Variants in MAP2K3 observed in about 807,000 individuals in gnomAD.
MAP2K3 encodes the protein dual specificity mitogen-activated protein kinase kinase 3.
In MAP2K3, 30 loss-of-function variants were observed where a neutral mutation model predicts 46.4. The observed-to-expected ratio is 0.65, with a 90% CI of 0.48 to 0.88. MAP2K3 has a LOEUF of 0.88. Among genes scored for constraint, MAP2K3 ranks in the 40% least tolerant of loss-of-function variants. The probability of loss-of-function intolerance (pLI) is 0.00; values close to 1 mark genes in which losing one functional copy is unlikely to be tolerated. For synonymous variants in MAP2K3, 189 were observed against 176.3 expected, an observed-to-expected ratio of 1.07 and a Z score of -0.57; for missense variants, 380 against 464.5, an observed-to-expected ratio of 0.82 and a Z score of 1.67.
chr17:21,311,144 A>G (rs4021718), intron 9 of MAP2K3, among the ~76,000 whole-genome samples: 1 of 152,166 alleles, frequency 6.6e-6, no homozygotes, highest in Non-Finnish European at 1.5e-5. Flanking sequence ...GCACAGTCTC[A>G]GCACAGTCCT....
intron 1 of MAP2K3, among the ~76,000 whole-genome samples, chr17:21,296,511 C>G (rs1976260575): frequency 6.6e-6 from 1 of 152,312 alleles, no homozygotes; most frequent in South Asian, 2.1e-4. Context: ...GGAGGGCTCC[C>G]TGTGGCAGGG....
rs1439535005 is a variant in MAP2K3, at chr17:21,301,001, C to A, written c.399+8C>A. 1 of 1,614,084 alleles carries A rather than the reference C, an allele frequency of 6.2e-7. No individual in the cohort carries two copies. ...GGGGCACTATTCAGAGAGGTGCGTC[C>A]TTGCATGATGCAGCTGGGGATCTCC... On this transcript the variant is annotated splice_region_variant and intron_variant, in intron 5 of 11. Coordinates refer to ENST00000342679, the MANE Select transcript of MAP2K3 (RefSeq NM_145109.3).
At chr17:21,301,678 CT>C (rs1976609498) in intron 5 of MAP2K3, among the ~76,000 whole-genome samples, 1 of 152,306 alleles carries the variant, frequency 6.6e-6, no homozygotes, top group Non-Finnish European at 1.5e-5. Flanking sequence ...CGGGTGCCCC[CT>C]GCGCATCTCC....
intron 1 of MAP2K3, among the ~76,000 whole-genome samples, chr17:21,289,853 C>T (rs1434094664): frequency 1.3e-5 from 2 of 152,210 alleles, no homozygotes; most frequent in Non-Finnish European, 1.5e-5. Flanking sequence ...TTGTCACCTC[C>T]CTGCCCTGCA....
chr17:21,302,275 G>T lies in MAP2K3; in HGVS notation c.516+16G>T. ...TGCTGTGTCTGTGAGTGGCCTGGGT[G>T]GGCTGGCGGGGGGTCCTAGGTGCAT... On this transcript the variant is annotated intron_variant, in intron 6 of 11. Coordinates refer to ENST00000342679, the MANE Select transcript of MAP2K3 (RefSeq NM_145109.3). 6.2e-7 allele frequency: 1 copy of T among 1,609,798 alleles called. No homozygotes were observed. Among genetic ancestry groups the T allele is most frequent in the South Asian group, 1.1e-5 (1 of 90,956 alleles).
rs893377591 is a variant in MAP2K3, at chr17:21,288,777, T to C, written c.49+3808T>C. Among the ~76,000 whole-genome samples the C allele has an allele frequency of 3.3e-5, 5 of 152,336 alleles. No individual in the cohort carries two copies. In the South Asian group the frequency reaches 1.0e-3, roughly 32 times the overall value. On this transcript the variant is annotated intron_variant, in intron 1 of 11. Coordinates refer to ENST00000342679, the MANE Select transcript of MAP2K3 (RefSeq NM_145109.3). Reference sequence around the variant, plus strand: ...TGTCAGGCACAAGTCATAGTGAGACTGCCCTCTGCCTGCAGAGAACCCAGC... The same window carrying C: ...TGTCAGGCACAAGTCATAGTGAGACCGCCCTCTGCCTGCAGAGAACCCAGC...
intron 11 of MAP2K3, 65 bp from the exon 12 acceptor site, chr17:21,314,082 G>A: frequency 1.5e-6 from 2 of 1,290,990 alleles, no homozygotes; most frequent in Non-Finnish European, 1.1e-6. Context: ...AGCTGGTTGG[G>A]GAAGAGTGGC....
rs1975679805 is a variant in MAP2K3 at position 21,284,823 on chromosome 17, C to T, written c.-98C>T. The T allele has an allele frequency of 2.9e-6, 4 of 1,399,494 alleles. 1 individual carries two copies. Among genetic ancestry groups the T allele is most frequent in the East Asian group, 5.7e-5 (2 of 35,398 alleles). 86.7% of individuals were successfully genotyped at this position (1,399,494 alleles called of 1,614,324 possible). On this transcript the variant is annotated 5_prime_UTR_variant, in exon 1 of 12. Transcript: ENST00000342679. ...CCGCCGCCGCTGCTCCTCCGCCTGGCCTGGGCCGTCTGCCCGCAGCCATGA... is the reference window on the plus strand; with the variant it reads ...CCGCCGCCGCTGCTCCTCCGCCTGGTCTGGGCCGTCTGCCCGCAGCCATGA...
At chr17:21,305,835 A>G (rs528568739) in intron 9 of MAP2K3, among the ~76,000 whole-genome samples, 31 of 152,418 alleles carry the variant, frequency 2.0e-4, no homozygotes, top group Admixed American at 3.9e-4. Context: ...TGGAAGGACG[A>G]TGCCATCAGC....
chr17:21,307,698 G>A (rs1057430848), intron 9 of MAP2K3, among the ~76,000 whole-genome samples: 65 of 151,882 alleles, frequency 4.3e-4, no homozygotes, highest in African/African-American at 1.5e-3. Flanking sequence ...ATTTTTTTGA[G>A]ATGGAGTCTC....
chr17:21,289,952 C>T (rs976808906), intron 1 of MAP2K3, among the ~76,000 whole-genome samples: 1 of 152,068 alleles, frequency 6.6e-6, no homozygotes, highest in African/African-American at 2.4e-5. Context: ...TGGCCGGCAC[C>T]ACCTCCTGCC....
chr17:21,296,052 T>A (rs1277730399), intron 1 of MAP2K3: 1 of 1,289,120 alleles, frequency 7.8e-7, no homozygotes, highest in African/African-American at 1.5e-5. Flanking sequence ...ATAATTCTCA[T>A]TACTTAGGGC....
chr17:21,294,551 G>A (rs372884415), intron 1 of MAP2K3, among the ~76,000 whole-genome samples: 1,410 of 151,768 alleles, frequency 9.3e-3, no homozygotes, highest in African/African-American at 0.03. Context: ...TTTGGACGTT[G>A]GAGCCAGACA....
chr17:21,295,976 A>G, intron 1 of MAP2K3: 1 of 1,264,004 alleles, frequency 7.9e-7, no homozygotes, highest in Non-Finnish European at 1.0e-6. Flanking sequence ...CAGAGCTTTA[A>G]TTTTTAACAG....
Position 21,284,847 on chromosome 17 carries a change from G to A in MAP2K3, c.-74G>A. The A allele has an allele frequency of 6.6e-7, 1 of 1,525,618 alleles. No homozygotes were observed. The highest frequency in any genetic ancestry group is 8.9e-7 in the Non-Finnish European group (1 of 1,125,292). The allele number at this position is 1,525,618 out of a possible 1,614,324, so 94.5% of individuals were successfully genotyped here. The stretch of plus-strand genomic sequence containing the variant: ...GCCTGGGCCGTCTGCCCGCAGCCAT[G>A]AGCGTGCTCGGCCCCGGTGGAGCCC... On this transcript the variant is annotated 5_prime_UTR_variant, in exon 1 of 12. An upstream start codon of the reference 5' UTR is lost. Coordinates refer to ENST00000342679, the MANE Select transcript of MAP2K3 (RefSeq NM_145109.3).
chr17:21,311,283 G>A (rs569698222), intron 9 of MAP2K3, among the ~76,000 whole-genome samples: 1 of 152,280 alleles, frequency 6.6e-6, no homozygotes, highest in South Asian at 2.1e-4. Context: ...TGTTCTTCCA[G>A]GCCGGGGCCA....
chr17:21,303,221 G>A lies in MAP2K3; in HGVS notation c.555G>A (p.Ser185=), dbSNP rs752706180. 4.5e-5 allele frequency: 73 copies of A among 1,613,978 alleles called. No individual in the cohort carries two copies. Among genetic ancestry groups the A allele is most frequent in the South Asian group, 2.6e-4 (24 of 91,054 alleles). The change falls in exon 7 of 12, where the codon TCG becomes TCA. Residue 185 remains serine (S), a synonymous_variant. Transcript: ENST00000342679. ...RALEHLHSKL[S]VIHRDVKPSN... is the part of the protein sequence containing the mutation. ...TGGAGCATCTGCACAGCAAGCTGTC[G>A]GTGATCCACAGAGGTCAGTGCCCGG...
At chr17:21,296,960 T>A (rs1201902953) in intron 1 of MAP2K3, among the ~76,000 whole-genome samples, 3 of 152,312 alleles carry the variant, frequency 2.0e-5, no homozygotes, top group Non-Finnish European at 4.4e-5. Flanking sequence ...TCCTGAAGCC[T>A]CTGGGGCCTG....
intron 9 of MAP2K3, among the ~76,000 whole-genome samples, chr17:21,308,141 C>T (rs1386876060): frequency 6.8e-6 from 1 of 147,856 alleles, no homozygotes; most frequent in African/African-American, 2.5e-5. Context: ...CAGGGGTGAG[C>T]CACTGTGCCT....
Sources: allele counts gnomAD v4.1 joint callset (sites outside exome capture counted in the v4.1 genomes callset), GRCh38; gene constraint gnomAD v4.1.1; transcripts MANE v1.5; gene names NCBI Gene and HGNC (gene_info 2026-07-23, HGNC 2026-07-21).